The following HDAC9 variants were observed in gnomAD, a reference collection of about 807,000 sequenced individuals.
HDAC9 encodes histone deacetylase 9, also known as MEF-2 interacting transcription repressor (MITR) protein.
HDAC9 carries 41 observed loss-of-function variants against 139.4 expected under a neutral mutation model. The observed-to-expected ratio is 0.29, with a 90% confidence interval of 0.23 to 0.38. HDAC9 has a LOEUF of 0.38. Ranked by LOEUF, HDAC9 falls within the 10% of genes least tolerant of loss-of-function variation. The pLI, the probability that HDAC9 is intolerant of heterozygous loss-of-function variation, is 1.00. For synonymous variants in HDAC9, 517 were observed against 476.2 expected, an observed-to-expected ratio of 1.09 and a Z score of -1.12; for missense variants, 1,147 against 1,297.0, an observed-to-expected ratio of 0.88 and a Z score of 1.78.
intron 1 of HDAC9, among the ~76,000 whole-genome samples, chr7:18,465,536 T>C (rs1029282250): frequency 1.3e-5 from 2 of 152,174 alleles, no homozygotes; most frequent in African/African-American, 4.8e-5. Flanking sequence ...ATGTAAACAA[T>C]ACAAATGCAC....
chr7:18,893,033 GAAAAAAAAA>G (rs71960483), intron 22 of HDAC9, among the ~76,000 whole-genome samples: 1 of 66,890 alleles, frequency 1.5e-5, no homozygotes, highest in South Asian at 8.3e-4. Context: ...GTAATAGGCC[GAAAAAAAAA>G]AAAAAAAAAA....
At chr7:18,416,959 C>T (rs1302562688) in intron 1 of HDAC9, among the ~76,000 whole-genome samples, 1 of 151,986 alleles carries the variant, frequency 6.6e-6, no homozygotes, top group African/African-American at 2.4e-5. Flanking sequence ...CTTTATGCTT[C>T]TTGTGCTTGG....
intron 6 of HDAC9, among the ~76,000 whole-genome samples, chr7:18,627,045 A>G (rs1290904574): frequency 6.6e-6 from 1 of 151,780 alleles, no homozygotes; most frequent in Non-Finnish European, 1.5e-5. Flanking sequence ...TCCCTTCTAC[A>G]TTCACCCAGA....
intron 12 of HDAC9, among the ~76,000 whole-genome samples, chr7:18,686,239 G>A (rs1782260130): frequency 6.6e-6 from 1 of 151,936 alleles, no homozygotes; most frequent in Non-Finnish European, 1.5e-5. Context: ...AAAGCCATTT[G>A]CTACTATGCT....
chr7:18,537,862 C>G (rs1811406585), intron 2 of HDAC9, among the ~76,000 whole-genome samples: 1 of 152,188 alleles, frequency 6.6e-6, no homozygotes, highest in African/African-American at 2.4e-5. Flanking sequence ...TTGAGCACTT[C>G]AGTTTTAGCC....
At chr7:18,703,265 A>G (rs1282781454) in intron 12 of HDAC9, among the ~76,000 whole-genome samples, 1 of 152,172 alleles carries the variant, frequency 6.6e-6, no homozygotes, top group African/African-American at 2.4e-5. Flanking sequence ...CAAAGGAAAC[A>G]AAAAAATTAA....
intron 17 of HDAC9, among the ~76,000 whole-genome samples, chr7:18,799,951 C>T (rs1793149639): frequency 1.3e-5 from 2 of 152,248 alleles, no homozygotes; most frequent in African/African-American, 4.8e-5. Context: ...GAGATCCATA[C>T]CTAGACGCAC....
intron 2 of HDAC9, among the ~76,000 whole-genome samples, chr7:18,518,978 G>C (rs1197832200): frequency 6.6e-6 from 1 of 152,174 alleles, no homozygotes; most frequent in Admixed American, 6.6e-5. Context: ...GGTAGAAATT[G>C]AATCTTTATG....
At chr7:18,612,243 A>G (rs1837370644) in intron 6 of HDAC9, among the ~76,000 whole-genome samples, 1 of 152,136 alleles carries the variant, frequency 6.6e-6, no homozygotes. Context: ...TTTGTAGTAC[A>G]GTTATAAGAA....
intron 24 of HDAC9, among the ~76,000 whole-genome samples, chr7:18,955,548 A>T (rs1783090372): frequency 6.6e-6 from 1 of 152,164 alleles, no homozygotes; most frequent in African/African-American, 2.4e-5. Context: ...TATTCTGAGC[A>T]TATCACTTCA....
At chr7:18,175,475 A>G (rs117852490) in intron 2 of HDAC9, among the ~76,000 whole-genome samples, 1,740 of 152,164 alleles carry the variant, frequency 0.011, 52 homozygotes, top group East Asian at 0.11. Flanking sequence ...CCTCTGTCCA[A>G]CCAGTCCCAG....
intron 1 of HDAC9, chr7:18,325,492 C>T (rs1800367089): frequency 6.6e-6 from 1 of 151,866 alleles, no homozygotes; most frequent in Non-Finnish European, 1.5e-5. Context: ...ATTAATTTTG[C>T]CGTTTTCTTT....
chr7:18,673,010 T>G (rs1237216323), intron 12 of HDAC9, among the ~76,000 whole-genome samples: 1 of 152,062 alleles, frequency 6.6e-6, no homozygotes, highest in Non-Finnish European at 1.5e-5. Flanking sequence ...AATCTTGATG[T>G]TTATTATTCC....
At chr7:18,898,749 A>T (rs1801438854) in intron 22 of HDAC9, among the ~76,000 whole-genome samples, 1 of 151,886 alleles carries the variant, frequency 6.6e-6, no homozygotes, top group Non-Finnish European at 1.5e-5. Context: ...TTTATAAGTG[A>T]GTCTGATTTA....
At chr7:18,731,603 C>T (rs1041958859) in intron 13 of HDAC9, among the ~76,000 whole-genome samples, 4 of 152,080 alleles carry the variant, frequency 2.6e-5, no homozygotes, top group African/African-American at 9.7e-5. Flanking sequence ...AGAAAGTAGG[C>T]ATAAATTGCA....
chr7:18,947,009 A>T (rs1314637148), intron 23 of HDAC9, among the ~76,000 whole-genome samples: 1 of 151,996 alleles, frequency 6.6e-6, no homozygotes, highest in Non-Finnish European at 1.5e-5. Context: ...ATATTTTGAG[A>T]TTTCAAATAT....
Position 18,356,358 on chromosome 7 carries a change from G to GTTTTTTTTTTTT in HDAC9, c.-42+65859_-42+65870dup, listed in dbSNP as rs5882659. On this transcript the variant is annotated intron_variant, in intron 1 of 3. Coordinates refer to the HDAC9 transcript ENST00000413509. ...GTAGCCTCTAGAGGGCAGCACATAG[G>GTTTTTTTTTTTT]TTTTTTTTTTTTTTTTTTTTTTTTT... is the stretch of plus-strand genomic sequence containing the variant. 9.1e-5 allele frequency among the ~76,000 whole-genome samples: 5 copies of GTTTTTTTTTTTT among 55,162 alleles called. 1 individual carries two copies. The highest frequency in any genetic ancestry group is 2.1e-4 in the African/African-American group (3 of 14,044). 36.2% of individuals were successfully genotyped at this position (55,162 alleles called of 152,430 possible). A position where few individuals can be genotyped will look rare whatever the true frequency, so the allele number is the denominator to read the frequency against.
intron 2 of HDAC9, among the ~76,000 whole-genome samples, chr7:18,194,938 T>TTGTGTGTG (rs112692661): frequency 6.0e-5 from 9 of 148,844 alleles, no homozygotes; most frequent in African/African-American, 2.0e-4. Context: ...CTTTATAGTT[T>TTGTGTGTG]TGTGTGTGTG....
intron 25 of HDAC9, among the ~76,000 whole-genome samples, chr7:18,979,120 A>T (rs1015183177): frequency 6.6e-6 from 1 of 152,152 alleles, no homozygotes; most frequent in African/African-American, 2.4e-5. Flanking sequence ...TGATGGTTTC[A>T]TGTCATTAGA....
Sources: gnomAD v4.1 joint callset for allele counts (sites outside exome capture counted in the v4.1 genomes callset) on GRCh38, gnomAD v4.1.1 for gene constraint, MANE v1.5 for transcripts, NCBI Gene and HGNC (gene_info 2026-07-23, HGNC 2026-07-21) for gene names.